The following ELF1 variants were observed in gnomAD, a reference collection of about 807,000 sequenced individuals.
ELF1 encodes E74 like ETS transcription factor 1.
Under a neutral mutation model 59.9 loss-of-function variants are expected in ELF1, and 24 were observed. The observed-to-expected ratio is 0.40, with a 90% CI of 0.29 to 0.56. The LOEUF is 0.56. ELF1 is among the 20% of genes least tolerant of loss of function. ELF1 has a pLI of 0.44. For synonymous variants in ELF1, 248 were observed against 266.2 expected (o/e 0.93, Z 0.67); for missense variants, 627 against 742.2 (o/e 0.84, Z 1.80).
intron 8 of ELF1, among the ~76,000 whole-genome samples, chr13:40,937,129 G>T (rs1425350179): frequency 6.6e-6 from 1 of 152,136 alleles, no homozygotes; most frequent in East Asian, 1.9e-4. Context: ...GCCAACCACA[G>T]AATTACTTTC....
chr13:41,059,098 TTAA>T (rs1188686797), intron 1 of ELF1, among the ~76,000 whole-genome samples: 1 of 152,266 alleles, frequency 6.6e-6, no homozygotes, highest in East Asian at 1.9e-4. Flanking sequence ...TAACTGCTTC[TTAA>T]TAATGACACA....
Position 40,933,397 on chromosome 13 carries a change from C to T in ELF1, c.*28G>A. Reference sequence around the variant, plus strand: ...TAATTGAAAATGTTCAATTAACAAACAATTATTCATAAGCTTTGGTATATT... The same window carrying T: ...TAATTGAAAATGTTCAATTAACAAATAATTATTCATAAGCTTTGGTATATT... On this transcript the variant is annotated 3_prime_UTR_variant, in exon 9 of 9. Coordinates refer to ENST00000239882, the MANE Select transcript of ELF1 (RefSeq NM_172373.4). 6.3e-7 allele frequency: 1 copy of T among 1,582,900 alleles called. No individual in the cohort carries two copies. Among genetic ancestry groups the T allele is most frequent in the Non-Finnish European group, 8.6e-7 (1 of 1,165,686 alleles).
chr13:40,979,088 A>G (rs2324745), intron 2 of ELF1, among the ~76,000 whole-genome samples: 1 of 151,444 alleles, frequency 6.6e-6, no homozygotes, highest in Non-Finnish European at 1.5e-5. Context: ...CGTAACACAG[A>G]CTTGTCCATC....
chr13:41,048,678 G>A (rs765283837), intron 1 of ELF1, among the ~76,000 whole-genome samples: 11 of 151,780 alleles, frequency 7.2e-5, no homozygotes, highest in Non-Finnish European at 1.6e-4. Context: ...CTGCTAAAGT[G>A]CTGGGATTAC....
chr13:41,044,090 C>A (rs1458121967), intron 1 of ELF1, among the ~76,000 whole-genome samples: 2 of 152,066 alleles, frequency 1.3e-5, no homozygotes, highest in Non-Finnish European at 2.9e-5. Context: ...TTATTTGGTT[C>A]TCTGTTTGTC....
At chr13:40,994,365 A>G (rs778508664) in intron 1 of ELF1, among the ~76,000 whole-genome samples, 1 of 152,248 alleles carries the variant, frequency 6.6e-6, no homozygotes, top group Non-Finnish European at 1.5e-5. Flanking sequence ...AATATCAGCC[A>G]GGTGCAGTGG....
chr13:41,029,955 C>T (rs1442591620), intron 1 of ELF1, among the ~76,000 whole-genome samples: 1 of 152,098 alleles, frequency 6.6e-6, no homozygotes, highest in Non-Finnish European at 1.5e-5. Context: ...AGACTAGAGA[C>T]ACCAAATTAG....
intron 1 of ELF1, among the ~76,000 whole-genome samples, chr13:40,990,610 CT>C: frequency 6.6e-6 from 1 of 152,064 alleles, no homozygotes; most frequent in Middle Eastern, 3.4e-3. Flanking sequence ...AATCCCAGCA[CT>C]TTGGAGGCTG....
intron 1 of ELF1, among the ~76,000 whole-genome samples, chr13:41,007,289 A>G (rs1874813660): frequency 6.6e-6 from 1 of 152,156 alleles, no homozygotes; most frequent in South Asian, 2.1e-4. Flanking sequence ...TTCAGTCTGA[A>G]GTTAAATAAT....
exon 1 of ELF1, chr13:41,060,929 C>CGCTGCT (rs1593420643): frequency 2.8e-6 from 1 of 363,344 alleles, no homozygotes; most frequent in East Asian, 6.7e-5. Flanking sequence ...CCGCCGCCGC[C>CGCTGCT]GCCGCCGCCG....
intron 1 of ELF1, among the ~76,000 whole-genome samples, chr13:41,014,322 G>A (rs960023237): frequency 3.3e-5 from 5 of 152,054 alleles, no homozygotes; most frequent in Admixed American, 1.3e-4. Context: ...AGGCAAGAGG[G>A]CTCTGACAAT....
intron 1 of ELF1, among the ~76,000 whole-genome samples, chr13:41,017,560 CT>C: frequency 6.6e-6 from 1 of 152,208 alleles, no homozygotes; most frequent in South Asian, 2.1e-4. Context: ...TTGTTCTGGT[CT>C]TTTCTTGGTT....
At chr13:40,989,725 AT>A (rs1269726301) in intron 1 of ELF1, among the ~76,000 whole-genome samples, 1 of 152,118 alleles carries the variant, frequency 6.6e-6, no homozygotes, top group Non-Finnish European at 1.5e-5. Flanking sequence ...AGACTTCTGA[AT>A]TTTTTTACAT....
intron 1 of ELF1, among the ~76,000 whole-genome samples, chr13:40,986,766 CA>C (rs140464259): frequency 0.02 from 2,994 of 152,112 alleles, 94 homozygotes; most frequent in African/African-American, 0.067. Flanking sequence ...ACAACCACTT[CA>C]AATGGCTACT....
At chr13:40,956,778 C>T (rs1218503056) in intron 3 of ELF1, among the ~76,000 whole-genome samples, 11 of 150,396 alleles carry the variant, frequency 7.3e-5, no homozygotes, top group African/African-American at 2.2e-4. Flanking sequence ...CCACAACTTC[C>T]GTCTCCCAGG....
At chr13:40,959,752 G>C (rs201725981) in intron 2 of ELF1, among the ~76,000 whole-genome samples, 3 of 151,682 alleles carry the variant, frequency 2.0e-5, no homozygotes, top group Non-Finnish European at 4.4e-5. Flanking sequence ...TATATTAAGA[G>C]TATAAACTAT....
chr13:40,960,156 T>C (rs1246118505), intron 2 of ELF1, among the ~76,000 whole-genome samples: 2 of 152,198 alleles, frequency 1.3e-5, no homozygotes, highest in Non-Finnish European at 2.9e-5. Flanking sequence ...TACTATCTAA[T>C]ATAAAGACAG....
intron 1 of ELF1, among the ~76,000 whole-genome samples, chr13:40,995,985 G>A (rs1260253075): frequency 6.6e-6 from 1 of 152,156 alleles, no homozygotes; most frequent in Non-Finnish European, 1.5e-5. Context: ...AAAACTCAGA[G>A]AAAATAGCCT....
chr13:41,032,403 C>T (rs983879248), intron 1 of ELF1, among the ~76,000 whole-genome samples: 1 of 151,122 alleles, frequency 6.6e-6, no homozygotes, highest in Non-Finnish European at 1.5e-5. Context: ...TTTTTAGTAG[C>T]GACAGGGTTT....
Sources: allele counts gnomAD v4.1 joint callset (sites outside exome capture counted in the v4.1 genomes callset), GRCh38; gene constraint gnomAD v4.1.1; transcripts MANE v1.5; gene names NCBI Gene and HGNC (gene_info 2026-07-23, HGNC 2026-07-21).